Variants in MCC observed in about 807,000 individuals in gnomAD.
MCC encodes MCC regulator of Wnt signaling pathway.
In MCC, 90 loss-of-function variants were observed where a neutral mutation model predicts 116.2. The ratio of observed to expected loss-of-function variants is 0.77; its 90% confidence interval spans 0.65 to 0.92. The LOEUF is 0.92. MCC is among the 40% of genes least tolerant of loss of function. The pLI is 0.00. For synonymous variants in MCC, 578 were observed against 510.5 expected (o/e 1.13, Z -1.78); for missense variants, 1,516 against 1,312.2 (o/e 1.16, Z -2.40).
intron 3 of MCC, among the ~76,000 whole-genome samples, chr5:113,305,083 C>G (rs1766954338): frequency 6.6e-6 from 1 of 151,890 alleles, no homozygotes; most frequent in Admixed American, 6.6e-5. Flanking sequence ...GGTATTGTAT[C>G]AAGCTGAGGG....
intron 3 of MCC, among the ~76,000 whole-genome samples, chr5:113,248,798 C>T (rs1009141953): frequency 3.3e-5 from 5 of 151,404 alleles, no homozygotes; most frequent in Non-Finnish European, 5.9e-5. Context: ...GTTCTCAGTG[C>T]ACATGCTGCA....
At chr5:113,176,712 T>G (rs1231739552) in intron 3 of MCC, among the ~76,000 whole-genome samples, 1 of 152,196 alleles carries the variant, frequency 6.6e-6, no homozygotes, top group Non-Finnish European at 1.5e-5. Flanking sequence ...ATATGGGCCA[T>G]GAGCCAAGTT....
At chr5:113,333,836 T>TACATATATGTACATATGCAC (rs372077130) in intron 3 of MCC, among the ~76,000 whole-genome samples, 1 of 59,316 alleles carries the variant, frequency 1.7e-5, no homozygotes, top group Non-Finnish European at 3.0e-5. Context: ...TGTATATATG[T>TACATATATGTACATATGCAC]ATATATGTAT....
intron 5 of MCC, among the ~76,000 whole-genome samples, chr5:113,134,582 G>GTTTTTTTTTT (rs1758685172): frequency 2.0e-5 from 1 of 49,990 alleles, no homozygotes. Context: ...TTTTTTTGTA[G>GTTTTTTTTTT]TTCTATAAAC....
intron 3 of MCC, among the ~76,000 whole-genome samples, chr5:113,195,341 A>G (rs910934211): frequency 6.6e-6 from 1 of 152,240 alleles, no homozygotes; most frequent in Non-Finnish European, 1.5e-5. Context: ...CAACCAGGAC[A>G]CAGTGAGTTT....
Position 113,488,447 on chromosome 5 carries a change from C to T in MCC, c.-33G>A. 1.4e-6 allele frequency: 2 copies of T among 1,390,532 alleles called. No homozygotes were observed. Among genetic ancestry groups the T allele is most frequent in the Non-Finnish European group, 1.8e-6 (2 of 1,086,038 alleles). 86.1% of individuals were successfully genotyped at this position (1,390,532 alleles called of 1,614,324 possible). A position where few individuals can be genotyped will look rare whatever the true frequency, so the allele number is the denominator to read the frequency against. ...CTCCCTACTTGGGAGGAGGAGTACGCGCGACCGCAGCTGGAATCCGCGCGG... is the reference window on the plus strand; with the variant it reads ...CTCCCTACTTGGGAGGAGGAGTACGTGCGACCGCAGCTGGAATCCGCGCGG... On this transcript the variant is annotated 5_prime_UTR_variant, in exon 1 of 19. Transcript: ENST00000408903.
chr5:113,359,452 A>T (rs933508570), intron 2 of MCC, among the ~76,000 whole-genome samples: 55 of 152,198 alleles, frequency 3.6e-4, no homozygotes, highest in Non-Finnish European at 4.4e-4. Context: ...TTTAGAGACA[A>T]CTAACCCAAG....
intron 3 of MCC, among the ~76,000 whole-genome samples, chr5:113,205,162 G>T (rs914143150): frequency 6.6e-6 from 1 of 152,134 alleles, no homozygotes; most frequent in African/African-American, 2.4e-5. Context: ...GAGTTCCCTT[G>T]ATGTATTTTG....
intron 1 of MCC, among the ~76,000 whole-genome samples, chr5:113,469,115 G>T (rs1772004114): frequency 6.6e-6 from 1 of 151,840 alleles, no homozygotes; most frequent in African/African-American, 2.4e-5. Flanking sequence ...CAATTTTGTT[G>T]ACCTTTTCAA....
chr5:113,079,509 C>G (rs567119008), intron 11 of MCC, among the ~76,000 whole-genome samples: 1 of 152,182 alleles, frequency 6.6e-6, no homozygotes, highest in Admixed American at 6.5e-5. Flanking sequence ...TACCGCACAT[C>G]TACAACCATC....
At chr5:113,125,128 T>C (rs543106486) in intron 5 of MCC, among the ~76,000 whole-genome samples, 11 of 152,334 alleles carry the variant, frequency 7.2e-5, no homozygotes, top group African/African-American at 1.2e-4. Context: ...ATACTACTTG[T>C]TGACTAGGCA....
At chr5:113,373,813 G>A (rs1011250056) in intron 2 of MCC, among the ~76,000 whole-genome samples, 10 of 152,150 alleles carry the variant, frequency 6.6e-5, no homozygotes, top group Admixed American at 1.3e-4. Context: ...AAAGCTACCC[G>A]TGCATAATCA....
intron 6 of MCC, among the ~76,000 whole-genome samples, chr5:113,105,278 T>C (rs1051700700): frequency 2.0e-5 from 3 of 152,296 alleles, no homozygotes; most frequent in East Asian, 1.9e-4. Context: ...ATTTTCTTCT[T>C]CTCTCCTGCA....
chr5:113,100,544 C>T (rs1016201923), intron 8 of MCC, among the ~76,000 whole-genome samples: 13 of 138,334 alleles, frequency 9.4e-5, no homozygotes, highest in South Asian at 2.2e-4. Flanking sequence ...CGATCTTGGC[C>T]CACTGCAACC....
At chr5:113,382,294 A>G (rs1047791109) in intron 2 of MCC, among the ~76,000 whole-genome samples, 1 of 147,758 alleles carries the variant, frequency 6.8e-6, no homozygotes, top group African/African-American at 2.5e-5. Context: ...TTTTGGATAC[A>G]GGGTCTTACT....
At chr5:113,259,937 G>T (rs1238122771) in intron 3 of MCC, among the ~76,000 whole-genome samples, 1 of 152,080 alleles carries the variant, frequency 6.6e-6, no homozygotes, top group Non-Finnish European at 1.5e-5. Flanking sequence ...CTTAAAAAAA[G>T]TCAAGTCAAC....
intron 15 of MCC, among the ~76,000 whole-genome samples, chr5:113,052,672 C>T (rs562846417): frequency 2.6e-4 from 39 of 152,290 alleles, no homozygotes; most frequent in Middle Eastern, 3.4e-3. Flanking sequence ...CTCCCTGCTG[C>T]GGACAGTACT....
intron 3 of MCC, among the ~76,000 whole-genome samples, chr5:113,191,194 T>C (rs1471742809): frequency 6.6e-6 from 1 of 152,196 alleles, no homozygotes. Context: ...TCTCTTCCCA[T>C]CCAATGTTAG....
intron 3 of MCC, among the ~76,000 whole-genome samples, chr5:113,276,847 G>C (rs1397874757): frequency 1.4e-5 from 2 of 142,384 alleles, no homozygotes; most frequent in African/African-American, 5.2e-5. Context: ...CGGTGTTACC[G>C]AGGCTGGTCT....
Sources: allele counts gnomAD v4.1 joint callset (sites outside exome capture counted in the v4.1 genomes callset), GRCh38; gene constraint gnomAD v4.1.1; transcripts MANE v1.5; gene names NCBI Gene and HGNC (gene_info 2026-07-23, HGNC 2026-07-21).